AKAP6: variants seen among roughly 807,000 people sequenced by gnomAD.
The protein encoded by AKAP6 is A-kinase anchor protein 6.
A neutral mutation model predicts 188.5 loss-of-function variants in AKAP6; 58 were observed. That is an observed-to-expected ratio of 0.31 (90% CI 0.25 to 0.38). The LOEUF is 0.38. AKAP6 is among the 10% of genes least tolerant of loss of function. AKAP6 has a pLI of 1.00. For missense variants in AKAP6, 2,710 were observed against 2,740.0 expected, an observed-to-expected ratio of 0.99 and a Z score of 0.24; for synonymous variants, 989 against 998.6, an observed-to-expected ratio of 0.99 and a Z score of 0.18.
At chr14:32,818,330 C>A (rs1034376317) in intron 12 of AKAP6, among the ~76,000 whole-genome samples, 1 of 151,780 alleles carries the variant, frequency 6.6e-6, no homozygotes, top group Non-Finnish European at 1.5e-5. Context: ...TGTTCCTTCC[C>A]CACCACACAC....
intron 7 of AKAP6, among the ~76,000 whole-genome samples, chr14:32,659,158 G>C (rs530168582): frequency 6.6e-6 from 1 of 152,134 alleles, no homozygotes; most frequent in African/African-American, 2.4e-5. Flanking sequence ...TTCCGCTGTT[G>C]CTACATTCAT....
intron 11 of AKAP6, among the ~76,000 whole-genome samples, chr14:32,751,501 T>TC (rs1467867983): frequency 1.3e-5 from 2 of 149,876 alleles, no homozygotes; most frequent in East Asian, 3.9e-4. Context: ...CTTTTCACTT[T>TC]TTTTTTTTTT....
intron 7 of AKAP6, among the ~76,000 whole-genome samples, chr14:32,637,275 G>A (rs1470754304): frequency 4.6e-5 from 7 of 152,198 alleles, no homozygotes; most frequent in Middle Eastern, 3.4e-3. Context: ...TGTAGTCAGC[G>A]CAGGCTGTTG....
chr14:32,403,823 G>A (rs942972135), intron 1 of AKAP6, among the ~76,000 whole-genome samples: 8 of 152,142 alleles, frequency 5.3e-5, no homozygotes, highest in African/African-American at 1.7e-4. Flanking sequence ...CATGAATACC[G>A]ATTAGCCATG....
At chr14:32,803,679 C>T (rs896782562) in intron 12 of AKAP6, among the ~76,000 whole-genome samples, 1 of 152,090 alleles carries the variant, frequency 6.6e-6, no homozygotes, top group Non-Finnish European at 1.5e-5. Context: ...AGTCTAGATG[C>T]TCTTTTCATT....
At chr14:32,663,092 A>G (rs1213360003) in intron 7 of AKAP6, among the ~76,000 whole-genome samples, 1 of 152,130 alleles carries the variant, frequency 6.6e-6, no homozygotes, top group Non-Finnish European at 1.5e-5. Context: ...TCAATATACA[A>G]CAATCAATTA....
intron 7 of AKAP6, among the ~76,000 whole-genome samples, chr14:32,629,156 T>C (rs1199868847): frequency 6.6e-6 from 1 of 152,056 alleles, no homozygotes; most frequent in Non-Finnish European, 1.5e-5. Context: ...AAATCGTCCA[T>C]ACCTAAAACC....
Position 32,823,476 on chromosome 14 carries a change from A to T in AKAP6, c.5663A>T (p.Asp1888Val). 1 of 1,613,670 alleles carries T rather than the reference A, an allele frequency of 6.2e-7. No individual in the cohort carries two copies. The highest frequency in any genetic ancestry group is 8.5e-7 in the Non-Finnish European group (1 of 1,179,878). The change falls in exon 13 of 14, where the codon GAT becomes GTT. Residue 1888 changes from aspartate to valine, a missense_variant. By Grantham distance (152) the Asp-to-Val change is radical. Coordinates refer to ENST00000280979, the MANE Select transcript of AKAP6 (RefSeq NM_004274.5). ...NKKTIFKVNK[D>V]PYVADMENGN... ...AAAACTATTTTCAAAGTTAATAAAG[A>T]TCCATATGTGGCTGACATGGAAAAT... is the stretch of plus-strand genomic sequence containing the variant.
At chr14:32,719,818 A>G (rs1012282609) in intron 9 of AKAP6, among the ~76,000 whole-genome samples, 2 of 152,050 alleles carry the variant, frequency 1.3e-5, no homozygotes, top group African/African-American at 4.8e-5. Flanking sequence ...TGAATTTCCA[A>G]TTTTCAGAGA....
chr14:32,639,292 G>A (rs566665692), intron 7 of AKAP6, among the ~76,000 whole-genome samples: 1 of 152,196 alleles, frequency 6.6e-6, no homozygotes, highest in East Asian at 1.9e-4. Flanking sequence ...AGAGATATTT[G>A]TTCTCAGAGA....
intron 12 of AKAP6, among the ~76,000 whole-genome samples, chr14:32,779,110 T>A (rs2033158867): frequency 6.6e-6 from 1 of 151,774 alleles, no homozygotes; most frequent in Non-Finnish European, 1.5e-5. Context: ...AGAAACCCAA[T>A]TTAGGCCAGA....
At chr14:32,331,346 G>C (rs1265146538) in intron 1 of AKAP6, among the ~76,000 whole-genome samples, 1 of 152,062 alleles carries the variant, frequency 6.6e-6, no homozygotes. Context: ...CTTAAGGGCA[G>C]TGTTAGAAAA....
intron 1 of AKAP6, among the ~76,000 whole-genome samples, chr14:32,400,989 T>G (rs377166795): frequency 8.5e-5 from 13 of 152,318 alleles, no homozygotes; most frequent in Middle Eastern, 3.4e-3. Context: ...AGGGGAAGTC[T>G]GCTGGGGGCT....
rs538051161 is a variant in AKAP6, at chr14:32,455,902, G to A, written c.324+22085G>A. 1.7e-3 allele frequency among the ~76,000 whole-genome samples: 260 copies of A among 152,296 alleles called. 1 individual carries two copies. Among genetic ancestry groups the A allele is most frequent in the African/African-American group, 6.0e-3 (251 of 41,560 alleles). ...AATTTACTGACTATGCATCTGCCTA[G>A]ATAAATGGGTTGGGGGTAAAGGTGA... On this transcript the variant is annotated intron_variant, in intron 2 of 13. Coordinates refer to ENST00000280979, the MANE Select transcript of AKAP6 (RefSeq NM_004274.5).
At position 32,831,265 on chromosome 14, in the gene AKAP6, T is replaced by G. The variant is rs976439983; in HGVS notation, c.*1460T>G. ...TTCATCTGGCCTTTACTGACTCCTGTTAAATGCAGTTTTAAATTTATATCG... is the reference window on the plus strand; with the variant it reads ...TTCATCTGGCCTTTACTGACTCCTGGTAAATGCAGTTTTAAATTTATATCG... On this transcript the variant is annotated 3_prime_UTR_variant, in exon 14 of 14. Transcript: ENST00000280979. 2 of 152,208 alleles carry G rather than the reference T, an allele frequency of 1.3e-5. No individual in the cohort carries two copies. The highest frequency in any genetic ancestry group is 2.9e-5 in the Non-Finnish European group (2 of 68,040). The allele number at this position is 152,208 out of a possible 1,614,324, so 9.4% of individuals were successfully genotyped here.
chr14:32,570,991 G>A (rs1884455984), intron 4 of AKAP6, among the ~76,000 whole-genome samples: 1 of 152,096 alleles, frequency 6.6e-6, no homozygotes, highest in African/African-American at 2.4e-5. Context: ...AGGGTATTGG[G>A]CAGACTTCCT....
At chr14:32,509,789 T>C (rs779993744) in intron 2 of AKAP6, among the ~76,000 whole-genome samples, 1 of 152,128 alleles carries the variant, frequency 6.6e-6, no homozygotes, top group Non-Finnish European at 1.5e-5. Flanking sequence ...TTGGTTTGGC[T>C]CCAAGGCAAA....
chr14:32,523,078 C>CA (rs1392831221), intron 2 of AKAP6, among the ~76,000 whole-genome samples: 1 of 141,200 alleles, frequency 7.1e-6, no homozygotes, highest in African/African-American at 2.6e-5. Flanking sequence ...TCACCAAGGA[C>CA]AAAAAACCAA....
At chr14:32,557,682 C>T (rs17099273) in intron 4 of AKAP6, among the ~76,000 whole-genome samples, 18,582 of 152,160 alleles carry the variant, frequency 0.12, 2,183 homozygotes, top group African/African-American at 0.31. Flanking sequence ...CGTCTTGAGG[C>T]TATGGAATTC....
Sources: allele counts gnomAD v4.1 joint callset (sites outside exome capture counted in the v4.1 genomes callset), GRCh38; gene constraint gnomAD v4.1.1; transcripts MANE v1.5; gene names NCBI Gene and HGNC (gene_info 2026-07-23, HGNC 2026-07-21).